LRCH1: variants seen among roughly 807,000 people sequenced by gnomAD.
LRCH1 encodes the protein leucine rich repeats and calponin homology domain containing 1, also known as leucine-rich repeat and calponin homology domain-containing protein 1.
Under a neutral mutation model 94.9 loss-of-function variants are expected in LRCH1, and 23 were observed. The observed-to-expected ratio is 0.24, with a 90% confidence interval of 0.17 to 0.34. LRCH1 has a LOEUF of 0.34. Among genes scored for constraint, LRCH1 ranks in the 10% least tolerant of loss-of-function variants. The pLI, the probability that LRCH1 is intolerant of heterozygous loss-of-function variation, is 1.00. For missense variants in LRCH1, 790 were observed against 945.9 expected (o/e 0.84, Z 2.16); for synonymous variants, 364 against 354.9 (o/e 1.03, Z -0.29).
chr13:46,739,028 TA>T (rs1037453458), intron 19 of LRCH1, among the ~76,000 whole-genome samples: 5 of 152,206 alleles, frequency 3.3e-5, no homozygotes, highest in African/African-American at 9.6e-5. Flanking sequence ...TATTTTAGAT[TA>T]AAAAATACTT....
At chr13:46,677,461 C>G (rs762077809) in intron 3 of LRCH1, among the ~76,000 whole-genome samples, 172 of 151,978 alleles carry the variant, frequency 1.1e-3, no homozygotes, top group Non-Finnish European at 2.1e-3. Flanking sequence ...AACTTCTAGT[C>G]TCTTTTACCA....
At chr13:46,678,540 C>T (rs1287085859) in intron 3 of LRCH1, among the ~76,000 whole-genome samples, 3 of 152,114 alleles carry the variant, frequency 2.0e-5, no homozygotes, top group Admixed American at 2.0e-4. Context: ...ATAATTTGAC[C>T]TTCACCATAT....
chr13:46,641,225 C>T (rs554044092), intron 1 of LRCH1, among the ~76,000 whole-genome samples: 3 of 152,020 alleles, frequency 2.0e-5, no homozygotes, highest in Non-Finnish European at 2.9e-5. Context: ...GATGTAGCTG[C>T]GATTCTTCTA....
intron 2 of LRCH1, among the ~76,000 whole-genome samples, chr13:46,661,019 A>T (rs780204239): frequency 9.2e-5 from 14 of 151,952 alleles, no homozygotes; most frequent in Non-Finnish European, 1.8e-4. Flanking sequence ...ATTATCTTTG[A>T]CCCCTTTCCT....
chr13:46,568,953 G>A (rs1037492620), intron 1 of LRCH1, among the ~76,000 whole-genome samples: 50 of 152,294 alleles, frequency 3.3e-4, no homozygotes, highest in African/African-American at 1.1e-3. Context: ...GCCTGGTGCC[G>A]ATTCCTGACT....
chr13:46,553,478 C>T lies in LRCH1; in HGVS notation c.82C>T (p.His28Tyr). The change falls in exon 1 of 20, where the codon CAC becomes TAC. Residue 28 changes from histidine to tyrosine, a missense_variant. Transcript: ENST00000389797. Reference protein sequence around the residue: ...ATLHPLHHPHHHHHHHQHHGG... With the variant: ...ATLHPLHHPHYHHHHHQHHGG... The stretch of plus-strand genomic sequence containing the variant: ...TCTGCACCCACTTCATCATCCCCAC[C>T]ACCACCACCACCACCATCAGCACCA... The T allele has an allele frequency of 1.3e-6, 2 of 1,547,524 alleles. No individual in the cohort carries two copies. Among genetic ancestry groups the T allele is most frequent in the Non-Finnish European group, 1.7e-6 (2 of 1,145,292 alleles).
chr13:46,611,390 G>A (rs2050745800), intron 1 of LRCH1, among the ~76,000 whole-genome samples: 1 of 152,166 alleles, frequency 6.6e-6, no homozygotes, highest in South Asian at 2.1e-4. Context: ...TGGTGTTCAA[G>A]CACCATCGTA....
chr13:46,702,493 CTG>C (rs1382441127), intron 11 of LRCH1, among the ~76,000 whole-genome samples: 3 of 152,038 alleles, frequency 2.0e-5, no homozygotes, highest in Non-Finnish European at 2.9e-5. Flanking sequence ...CAGAGTGAAA[CTG>C]TGTCTCAAAA....
At position 46,572,794 on chromosome 13, in the gene LRCH1, C is replaced by T. The variant is rs1594252765; in HGVS notation, c.307+19091C>T. Among the ~76,000 whole-genome samples, 3 of 151,990 alleles carry T rather than the reference C, an allele frequency of 2.0e-5. No homozygotes were observed. In the East Asian group the frequency reaches 5.8e-4, roughly 29 times the overall value. On this transcript the variant is annotated intron_variant, in intron 1 of 19. Coordinates refer to ENST00000389797, the MANE Select transcript of LRCH1 (RefSeq NM_001164211.2). ...CTGCATTTTTTTTCATTCATTCATC[C>T]ATCCAGCAAATATTTATTATCTAGT...
chr13:46,694,391 T>C (rs1871067474), intron 8 of LRCH1, among the ~76,000 whole-genome samples: 1 of 152,214 alleles, frequency 6.6e-6, no homozygotes, highest in Non-Finnish European at 1.5e-5. Context: ...ACACTTCTTT[T>C]GCTGTTATGA....
chr13:46,620,020 A>G (rs1288250931), intron 1 of LRCH1, among the ~76,000 whole-genome samples: 2 of 152,198 alleles, frequency 1.3e-5, no homozygotes, highest in African/African-American at 4.8e-5. Context: ...TAAATTATGA[A>G]TAGAGATAAC....
chr13:46,553,242 C>CCAAAA lies in LRCH1; in HGVS notation c.-155_-154insCAAAA. 4 of 568,610 alleles carry CCAAAA rather than the reference C, an allele frequency of 7.0e-6. No individual in the cohort carries two copies. Among genetic ancestry groups the CCAAAA allele is most frequent in the Admixed American group, 6.4e-5 (2 of 31,084 alleles). 35.2% of individuals were successfully genotyped at this position (568,610 alleles called of 1,614,324 possible). On this transcript the variant is annotated 5_prime_UTR_variant, in exon 1 of 20. Coordinates refer to ENST00000389797, the MANE Select transcript of LRCH1 (RefSeq NM_001164211.2). ...CACGGCCGCCTCCCCGCCCGCCCCC[C>CCAAAA]ATTCTACGCGCCTGCCCACACCCTC...
chr13:46,634,876 G>A (rs1397535024), intron 1 of LRCH1, among the ~76,000 whole-genome samples: 1 of 152,174 alleles, frequency 6.6e-6, no homozygotes, highest in African/African-American at 2.4e-5. Context: ...AGGGTACCAC[G>A]TAGTCAGTGT....
At chr13:46,689,949 T>G (rs940978290) in intron 7 of LRCH1, among the ~76,000 whole-genome samples, 2 of 152,102 alleles carry the variant, frequency 1.3e-5, no homozygotes, top group African/African-American at 4.8e-5. Context: ...GGTGCTCTTC[T>G]TTTTTTGAGG....
intron 3 of LRCH1, chr13:46,680,038 C>T (rs1025960784): frequency 9.2e-5 from 14 of 152,322 alleles, no homozygotes; most frequent in Admixed American, 3.3e-4. Flanking sequence ...ATTTCTGAAA[C>T]GAGGCTCTGC....
intron 8 of LRCH1, among the ~76,000 whole-genome samples, chr13:46,693,988 T>C (rs971994587): frequency 6.6e-6 from 1 of 152,250 alleles, no homozygotes; most frequent in African/African-American, 2.4e-5. Flanking sequence ...TTTTTAAGTT[T>C]AGCATTTCTG....
At chr13:46,641,239 A>T (rs2138063584) in intron 1 of LRCH1, among the ~76,000 whole-genome samples, 1 of 152,272 alleles carries the variant, frequency 6.6e-6, no homozygotes, top group East Asian at 1.9e-4. Context: ...TCTTCTAGAG[A>T]GACCCTTGCC....
At chr13:46,603,069 G>A (rs181262065) in intron 1 of LRCH1, among the ~76,000 whole-genome samples, 4 of 152,204 alleles carry the variant, frequency 2.6e-5, no homozygotes, top group Admixed American at 1.3e-4. Context: ...TAAGATATCT[G>A]TATCCTGTGA....
At chr13:46,645,700 G>T (rs2051212195) in intron 1 of LRCH1, among the ~76,000 whole-genome samples, 1 of 152,076 alleles carries the variant, frequency 6.6e-6, no homozygotes, top group South Asian at 2.1e-4. Flanking sequence ...TCTCAGGTTA[G>T]AGTGGTTTCT....
Sources: gnomAD v4.1 joint callset for allele counts (sites outside exome capture counted in the v4.1 genomes callset) on GRCh38, gnomAD v4.1.1 for gene constraint, MANE v1.5 for transcripts, NCBI Gene and HGNC (gene_info 2026-07-23, HGNC 2026-07-21) for gene names.